The following SLC1A2 variants were observed in gnomAD, a reference collection of about 807,000 sequenced individuals.
The protein encoded by SLC1A2 is excitatory amino acid transporter 2.
Under a neutral mutation model 48.8 loss-of-function variants are expected in SLC1A2, and 15 were observed. The observed-to-expected ratio is 0.31, with a 90% confidence interval of 0.21 to 0.47. The LOEUF is 0.47. Ranked by LOEUF, SLC1A2 falls within the 20% of genes least tolerant of loss-of-function variation. SLC1A2 has a pLI of 0.99. For synonymous variants in SLC1A2, 279 were observed against 272.6 expected (o/e 1.02, Z -0.23); for missense variants, 502 against 730.5 (o/e 0.69, Z 3.61).
intron 6 of SLC1A2, among the ~76,000 whole-genome samples, chr11:35,292,931 G>A (rs1851058408): frequency 1.3e-5 from 2 of 152,028 alleles, no homozygotes; most frequent in South Asian, 4.2e-4. Flanking sequence ...ACTGGAATTT[G>A]TAAATTTGCA....
intron 10 of SLC1A2, among the ~76,000 whole-genome samples, chr11:35,261,219 T>C (rs1950389496): frequency 1.3e-5 from 2 of 152,352 alleles, no homozygotes; most frequent in South Asian, 4.1e-4. Flanking sequence ...TAACTTCTAC[T>C]ATGTTTTTAG....
At chr11:35,367,798 T>G (rs1178985322) in intron 1 of SLC1A2, among the ~76,000 whole-genome samples, 2 of 152,220 alleles carry the variant, frequency 1.3e-5, no homozygotes, top group African/African-American at 4.8e-5. Context: ...GTAATAGTGT[T>G]GAACACTGAC....
rs553544485 is a variant in SLC1A2, at chr11:35,326,311, C to T, written c.18-8795G>A. ...GCTAGAAAGCATGAGTACTCATTCC[C>T]CTTCCAAGAGCCACTGGAACCCTGA... is the stretch of plus-strand genomic sequence containing the variant. On this transcript the variant is annotated intron_variant, in intron 1 of 10. Coordinates refer to ENST00000278379, the MANE Select transcript of SLC1A2 (RefSeq NM_004171.4). 1.4e-4 allele frequency among the ~76,000 whole-genome samples: 21 copies of T among 152,326 alleles called. No individual in the cohort carries two copies. The East Asian group carries it at 3.9e-3, about 28-fold the overall frequency.
rs1950304850 is a variant in SLC1A2 at position 35,255,620 on chromosome 11, T to C, written c.*5274A>G. ...ATACTGGGTGGGCAATTAGAATTGT[T>C]GGAGAAAATTGTGTGTTTTGGGTAT... On this transcript the variant is annotated 3_prime_UTR_variant, in exon 11 of 11. Coordinates refer to ENST00000278379, the MANE Select transcript of SLC1A2 (RefSeq NM_004171.4). 6.6e-6 allele frequency: 1 copy of C among 152,192 alleles called. No individual in the cohort carries two copies. Among genetic ancestry groups the C allele is most frequent in the Non-Finnish European group, 1.5e-5 (1 of 68,040 alleles). The allele number at this position is 152,192 out of a possible 1,614,324, so 9.4% of individuals were successfully genotyped here. A position where few individuals can be genotyped will look rare whatever the true frequency, so the allele number is the denominator to read the frequency against.
chr11:35,338,986 G>A (rs1374866258), intron 1 of SLC1A2, among the ~76,000 whole-genome samples: 2 of 152,114 alleles, frequency 1.3e-5, no homozygotes, highest in East Asian at 3.8e-4. Flanking sequence ...ACAACCAACG[G>A]GTGATTTTCC....
chr11:35,310,001 G>A (rs1446972484), intron 4 of SLC1A2, among the ~76,000 whole-genome samples: 1 of 152,208 alleles, frequency 6.6e-6, no homozygotes, highest in Admixed American at 6.5e-5. Flanking sequence ...ATTCCAGAAT[G>A]GCAGAGAGCA....
At chr11:35,401,653 A>AT (rs1007841478) in intron 1 of SLC1A2, among the ~76,000 whole-genome samples, 4 of 151,742 alleles carry the variant, frequency 2.6e-5, no homozygotes, top group South Asian at 4.2e-4. Context: ...GCTGCATACT[A>AT]TTTTTTTAAT....
intron 1 of SLC1A2, among the ~76,000 whole-genome samples, chr11:35,317,794 T>C (rs1052884045): frequency 4.6e-5 from 7 of 152,238 alleles, no homozygotes; most frequent in African/African-American, 1.7e-4. Flanking sequence ...GAAGTTATCA[T>C]GTTACAGAGC....
chr11:35,395,012 C>T (rs529066145), intron 1 of SLC1A2, among the ~76,000 whole-genome samples: 1 of 152,248 alleles, frequency 6.6e-6, no homozygotes, highest in Non-Finnish European at 1.5e-5. Context: ...CCGAGGAGAG[C>T]GTCTTCCCCA....
At chr11:35,306,444 A>T (rs996233506) in intron 4 of SLC1A2, among the ~76,000 whole-genome samples, 5 of 152,216 alleles carry the variant, frequency 3.3e-5, no homozygotes, top group Non-Finnish European at 5.9e-5. Context: ...AGTGAGATAC[A>T]ATTGTCCTAA....
At chr11:35,317,225 T>A (rs1851909668) in intron 2 of SLC1A2, 152 bp downstream of exon 2, 2 of 690,066 alleles carry the variant, frequency 2.9e-6, no homozygotes, top group Admixed American at 3.0e-5. Context: ...AGGAGGAAAA[T>A]TATATCACTG....
intron 1 of SLC1A2, among the ~76,000 whole-genome samples, chr11:35,337,351 T>TAAC (rs1379933666): frequency 2.6e-5 from 4 of 152,072 alleles, no homozygotes; most frequent in African/African-American, 4.8e-5. Context: ...AGGCAGTGAG[T>TAAC]AACTATTCAT....
intron 9 of SLC1A2, among the ~76,000 whole-genome samples, chr11:35,278,734 T>C (rs1013085520): frequency 1.3e-5 from 2 of 152,122 alleles, no homozygotes; most frequent in Admixed American, 1.3e-4. Flanking sequence ...ATGTGGCTTC[T>C]GAGGCTGGGC....
intron 1 of SLC1A2, among the ~76,000 whole-genome samples, chr11:35,346,333 G>A (rs1435405483): frequency 6.6e-6 from 1 of 152,062 alleles, no homozygotes; most frequent in East Asian, 1.9e-4. Context: ...AGTCTCCATG[G>A]GCTACTCCTT....
intron 1 of SLC1A2, 93 bp downstream of exon 1, chr11:35,418,857 C>G (rs552307559): frequency 8.2e-7 from 1 of 1,215,278 alleles, no homozygotes; most frequent in South Asian, 1.3e-5. Flanking sequence ...CGAGGCCCGC[C>G]GCCGCCGCCT....
chr11:35,360,334 C>T (rs952780836), intron 1 of SLC1A2, among the ~76,000 whole-genome samples: 3 of 152,174 alleles, frequency 2.0e-5, no homozygotes, highest in Non-Finnish European at 2.9e-5. Flanking sequence ...AGGCAAGAAC[C>T]ATGGCTGTTT....
At position 35,339,193 on chromosome 11, in the gene SLC1A2, G is replaced by A. The variant is rs576810865; in HGVS notation, c.18-21677C>T. Among the ~76,000 whole-genome samples the A allele has an allele frequency of 9.2e-4, 140 of 152,252 alleles. 3 individuals are homozygous for A. The South Asian group carries it at 0.012, about 13-fold the overall frequency. ...TTTAACTGGGAAAAATTTTTGCTGG[G>A]GAGAAACTTGACCTCCCTCTGTTGG... On this transcript the variant is annotated intron_variant, in intron 1 of 10. Coordinates refer to ENST00000278379, the MANE Select transcript of SLC1A2 (RefSeq NM_004171.4).
intron 1 of SLC1A2, among the ~76,000 whole-genome samples, chr11:35,332,798 G>T (rs1852473837): frequency 6.6e-6 from 1 of 152,142 alleles, no homozygotes; most frequent in East Asian, 1.9e-4. Flanking sequence ...GGCAGAAATT[G>T]TTTTTGTATT....
intron 1 of SLC1A2, among the ~76,000 whole-genome samples, chr11:35,341,880 T>G (rs1351817164): frequency 3.3e-5 from 5 of 152,114 alleles, no homozygotes; most frequent in Non-Finnish European, 7.3e-5. Context: ...AATAGAGGAG[T>G]GCTTAATAAA....
Sources: allele counts gnomAD v4.1 joint callset (sites outside exome capture counted in the v4.1 genomes callset), GRCh38; gene constraint gnomAD v4.1.1; transcripts MANE v1.5; gene names NCBI Gene and HGNC (gene_info 2026-07-23, HGNC 2026-07-21).